Variants in CACNA1C observed in about 807,000 individuals in gnomAD.
The protein encoded by CACNA1C is voltage-dependent L-type calcium channel subunit alpha-1C.
In CACNA1C, 30 loss-of-function variants were observed where a neutral mutation model predicts 229.0. The observed-to-expected ratio is 0.13, with a 90% CI of 0.10 to 0.18. The LOEUF (loss-of-function observed/expected upper bound fraction) is 0.18, where lower values mean the gene tolerates loss of function less well. Ranked by LOEUF, CACNA1C falls within the 10% of genes least tolerant of loss-of-function variation. The pLI, the probability that CACNA1C is intolerant of heterozygous loss-of-function variation, is 1.00. For synonymous variants in CACNA1C, 1,114 were observed against 1,132.5 expected, an observed-to-expected ratio of 0.98 and a Z score of 0.33; for missense variants, 1,658 against 2,845.0, an observed-to-expected ratio of 0.58 and a Z score of 9.49.
In CACNA1C at chr12:2,403,150, A is replaced by C. The variant is rs2098698458; in HGVS notation, c.478-45826A>C. ...GATGAGGGTCAACCACAGTCTTCCC[A>C]ACATTTCCTGGAGGTCAACCTGCTT... is the stretch of plus-strand genomic sequence containing the variant. On this transcript the variant is annotated intron_variant, in intron 3 of 46. Transcript: ENST00000399655. This position sits in a 1 kb window ranked among gnomAD's most constrained non-coding sequence, Gnocchi z 4.1. 6.6e-6 allele frequency among the ~76,000 whole-genome samples: 1 copy of C among 152,172 alleles called. No homozygotes were observed. The highest frequency in any genetic ancestry group is 2.4e-5 in the African/African-American group (1 of 41,432).
At chr12:2,515,804 G>A (rs905631404) in intron 9 of CACNA1C, among the ~76,000 whole-genome samples, 4 of 152,306 alleles carry the variant, frequency 2.6e-5, no homozygotes, top group South Asian at 2.1e-4. Context: ...GAAAGAAAGC[G>A]TGCAGTTGGG....
At chr12:2,068,172 C>T (rs1044443332) in intron 1 of CACNA1C, among the ~76,000 whole-genome samples, 1 of 152,136 alleles carries the variant, frequency 6.6e-6, no homozygotes. Flanking sequence ...GGATGTGAGT[C>T]TTTGATGCCA....
At chr12:2,008,583 T>A (rs2043873307) in intron 1 of CACNA1C, among the ~76,000 whole-genome samples, 1 of 152,208 alleles carries the variant, frequency 6.6e-6, no homozygotes, top group Admixed American at 6.5e-5. Flanking sequence ...TCATTAAATG[T>A]CAGCATTTTT....
At chr12:2,219,634 G>C (rs1194954411) in intron 3 of CACNA1C, among the ~76,000 whole-genome samples, 1 of 152,154 alleles carries the variant, frequency 6.6e-6, no homozygotes, top group African/African-American at 2.4e-5. Flanking sequence ...GCTCCAGCCC[G>C]TAACCTGTGA....
At chr12:2,056,190 TGTGTGA>T (rs1484512850) in intron 1 of CACNA1C, among the ~76,000 whole-genome samples, 1 of 107,114 alleles carries the variant, frequency 9.3e-6, no homozygotes, top group Non-Finnish European at 1.9e-5. Flanking sequence ...TGTGTGAGTG[TGTGTGA>T]GTGTGTGTGT....
chr12:2,172,281 C>T lies in CACNA1C; in HGVS notation c.477+51851C>T, dbSNP rs2096516231. ...AAGGCCTGCTCCTCTCTGCCGCTGG[C>T]TGTTTCTGCTAGTCTGAGCCAGAGG... On this transcript the variant is annotated intron_variant, in intron 3 of 46. Transcript: ENST00000399655. 1.3e-5 allele frequency among the ~76,000 whole-genome samples: 2 copies of T among 152,216 alleles called. 1 individual carries two copies. The highest frequency in any genetic ancestry group is 4.1e-4 in the South Asian group (2 of 4,828).
At chr12:2,444,461 G>C (rs896693288) in intron 3 of CACNA1C, among the ~76,000 whole-genome samples, 1 of 152,088 alleles carries the variant, frequency 6.6e-6, no homozygotes, top group Non-Finnish European at 1.5e-5. Context: ...ATGGGGGTTT[G>C]TAGTGGCTGT....
intron 3 of CACNA1C, chr12:2,217,663 T>C (rs575941801): frequency 4.6e-5 from 7 of 152,324 alleles, no homozygotes; most frequent in Non-Finnish European, 1.0e-4. Flanking sequence ...TTAATCCTTA[T>C]TTCTTGACAG....
rs553389004 is a variant in CACNA1C, at chr12:2,297,442, T to C, written c.478-151534T>C. ...GCTTGATTCACTAGTGCTGTTATTA[T>C]GGTTGTTATTTTAATTTGTCAAGAG... On this transcript the variant is annotated intron_variant, in intron 3 of 46. Coordinates refer to ENST00000399655, the MANE Select transcript of CACNA1C (RefSeq NM_000719.7). Among the ~76,000 whole-genome samples, 84 of 152,348 alleles carry C rather than the reference T, an allele frequency of 5.5e-4. 1 individual carries two copies. In the South Asian group the frequency reaches 0.017, roughly 31 times the overall value.
chr12:2,081,126 G>C (rs770919986), intron 1 of CACNA1C, among the ~76,000 whole-genome samples: 1 of 152,170 alleles, frequency 6.6e-6, no homozygotes, highest in Non-Finnish European at 1.5e-5. Flanking sequence ...AGCAAGCAGG[G>C]AGAAAAGACA....
In CACNA1C at chr12:2,493,377, G is replaced by A. The variant is rs377274770; in HGVS notation, c.1104G>A (p.Val368=). The part of the protein sequence containing the change: ...QCITMEGWTD[V]LYWVNDAVGR... ...TCACCATGGAGGGCTGGACGGACGT[G>A]CTGTACTGGGTACGTAGCATGAGTG... Residue 368 remains valine, a synonymous_variant, in exon 7 of 47, where the codon GTG becomes GTA. Coordinates refer to ENST00000399655, the MANE Select transcript of CACNA1C (RefSeq NM_000719.7). This position sits in a 1 kb window ranked among gnomAD's most constrained non-coding sequence, Gnocchi z 4.6. 5.6e-5 allele frequency: 90 copies of A among 1,613,526 alleles called. No homozygotes were observed. The highest frequency in any genetic ancestry group is 7.5e-5 in the Non-Finnish European group (89 of 1,179,556).
chr12:2,648,380 C>T (rs2094559430), intron 30 of CACNA1C, 95 bp from the exon 31 acceptor site: 1 of 1,156,658 alleles, frequency 8.6e-7, no homozygotes, highest in East Asian at 2.3e-5. Flanking sequence ...CCCTCTTCTG[C>T]CACTGTGTTG....
At chr12:2,627,845 C>G (rs2087772504) in intron 29 of CACNA1C, among the ~76,000 whole-genome samples, 1 of 152,200 alleles carries the variant, frequency 6.6e-6, no homozygotes, top group African/African-American at 2.4e-5. Context: ...CCTGCAGCCC[C>G]TCCAGCCAGC....
intron 3 of CACNA1C, among the ~76,000 whole-genome samples, chr12:2,434,847 C>G (rs1335580100): frequency 6.6e-6 from 1 of 152,218 alleles, no homozygotes; most frequent in Non-Finnish European, 1.5e-5. Context: ...CTGTCATTAC[C>G]TCCTTCCTGG....
At chr12:2,421,337 G>A (rs2098977107) in intron 3 of CACNA1C, among the ~76,000 whole-genome samples, 1 of 152,202 alleles carries the variant, frequency 6.6e-6, no homozygotes. Flanking sequence ...GTCAATGTCT[G>A]AAGCAAACTG....
At chr12:2,023,089 C>T (rs758520688) in intron 1 of CACNA1C, among the ~76,000 whole-genome samples, 1 of 152,026 alleles carries the variant, frequency 6.6e-6, no homozygotes, top group African/African-American at 2.4e-5. Context: ...CTGCACTGAG[C>T]CCCCCAAATT....
chr12:2,566,107 A>C lies in CACNA1C; in HGVS notation c.1509-315A>C, dbSNP rs1055707914. Among the ~76,000 whole-genome samples, 1 of 152,224 alleles carries C rather than the reference A, an allele frequency of 6.6e-6. No homozygotes were observed. The highest frequency in any genetic ancestry group is 1.5e-5 in the Non-Finnish European group (1 of 68,040). On this transcript the variant is annotated intron_variant, in intron 11 of 46. Coordinates refer to ENST00000399655, the MANE Select transcript of CACNA1C (RefSeq NM_000719.7). This position sits in a 1 kb window ranked among gnomAD's most constrained non-coding sequence, Gnocchi z 4.0. ...GAATGCTGTTTCACAAAAATTAAAA[A>C]AACTTCCATTTATTGAGCATCTTCA...
Position 2,328,843 on chromosome 12 carries a change from T to C in CACNA1C, c.478-120133T>C, listed in dbSNP as rs868203480. On this transcript the variant is annotated intron_variant, in intron 3 of 46. Transcript: ENST00000399655. The stretch of plus-strand genomic sequence containing the variant: ...CATTGATCAATTGCAACATTCACTT[T>C]GACAGTGTGGGTAGACAAGGCCACT... Among the ~76,000 whole-genome samples the C allele has an allele frequency of 2.0e-5, 3 of 152,190 alleles. No individual in the cohort carries two copies. The South Asian group carries it at 6.2e-4, about 32-fold the overall frequency.
chr12:2,042,091 C>T (rs952448216), intron 1 of CACNA1C, among the ~76,000 whole-genome samples: 3 of 152,168 alleles, frequency 2.0e-5, no homozygotes, highest in African/African-American at 7.2e-5. Flanking sequence ...AATATAAACA[C>T]TGCAGCTATT....
Sources: allele counts gnomAD v4.1 joint callset (sites outside exome capture counted in the v4.1 genomes callset), GRCh38; gene constraint gnomAD v4.1.1; non-coding constraint Gnocchi (gnomAD v3.1); transcripts MANE v1.5; gene names NCBI Gene and HGNC (gene_info 2026-07-23, HGNC 2026-07-21).